The following ZNF148 variants were observed in gnomAD, a reference collection of about 807,000 sequenced individuals.
ZNF148 encodes zinc finger protein 148, also known as Beta-Enolase Repressor Factor-1.
Under a neutral mutation model 67.7 loss-of-function variants are expected in ZNF148, and 7 were observed. The observed-to-expected ratio is 0.10, with a 90% CI of 0.06 to 0.19. The LOEUF is 0.19. Ranked by LOEUF, ZNF148 falls within the 10% of genes least tolerant of loss-of-function variation. ZNF148 has a pLI of 1.00. For synonymous variants in ZNF148, 333 were observed against 330.7 expected, an observed-to-expected ratio of 1.01 and a Z score of -0.08; for missense variants, 583 against 947.1, an observed-to-expected ratio of 0.62 and a Z score of 5.05.
chr3:125,280,248 CAA>C (rs1207378168), intron 5 of ZNF148, among the ~76,000 whole-genome samples: 1 of 152,028 alleles, frequency 6.6e-6, no homozygotes, highest in Non-Finnish European at 1.5e-5. Flanking sequence ...AGAAGGAAGA[CAA>C]GAGACAAAGC....
chr3:125,373,337 C>T lies in ZNF148; in HGVS notation c.-234+1765G>A, dbSNP rs1424455957. Among the ~76,000 whole-genome samples, 5 of 151,566 alleles carry T rather than the reference C, an allele frequency of 3.3e-5. No homozygotes were observed. The East Asian group carries it at 1.0e-3, about 30-fold the overall frequency. ...AACTCCTGACCTCAGGTGATCCGCT[C>T]GCCTCGGCCTCCCAAAGTGCTGGGA... On this transcript the variant is annotated intron_variant, in intron 1 of 8. Transcript: ENST00000360647.
intron 7 of ZNF148, among the ~76,000 whole-genome samples, chr3:125,275,730 G>A (rs1451100663): frequency 6.6e-6 from 1 of 152,148 alleles, no homozygotes; most frequent in Non-Finnish European, 1.5e-5. Context: ...CCATGGTCTA[G>A]TGCAGTTGAT....
intron 7 of ZNF148, among the ~76,000 whole-genome samples, chr3:125,241,620 T>C (rs898074590): frequency 5.9e-5 from 9 of 152,202 alleles, no homozygotes; most frequent in Admixed American, 2.6e-4. Flanking sequence ...ACAGCGGATG[T>C]TATTTATTTT....
intron 3 of ZNF148, among the ~76,000 whole-genome samples, chr3:125,321,411 A>G (rs1337291764): frequency 2.9e-5 from 4 of 135,902 alleles, no homozygotes; most frequent in Non-Finnish European, 3.3e-5. Context: ...TTTAAAAAAA[A>G]CTCTATTTTT....
At chr3:125,258,547 G>A (rs1398586690) in intron 7 of ZNF148, among the ~76,000 whole-genome samples, 1 of 151,798 alleles carries the variant, frequency 6.6e-6, no homozygotes, top group Non-Finnish European at 1.5e-5. Context: ...GTCTACAGGT[G>A]TGCACCACTG....
chr3:125,364,141 G>A (rs1942630770), intron 1 of ZNF148, among the ~76,000 whole-genome samples: 1 of 152,206 alleles, frequency 6.6e-6, no homozygotes, highest in Non-Finnish European at 1.5e-5. Context: ...GCTCATGCCT[G>A]TAATCCCAGC....
intron 1 of ZNF148, among the ~76,000 whole-genome samples, chr3:125,351,814 C>G (rs1559776605): frequency 6.6e-6 from 1 of 152,094 alleles, no homozygotes; most frequent in Non-Finnish European, 1.5e-5. Context: ...CAGCATTAGC[C>G]AACAGAGACA....
rs1299591282 is a variant in ZNF148 at position 125,280,758 on chromosome 3, C to CAA, written c.460-1513_460-1512dup. ...ATTCCTTTTTCATTATTGACGAAAG[C>CAA]AAAAAAAAAAAAAAAAAGGCACAAC... On this transcript the variant is annotated intron_variant, in intron 5 of 8. Transcript: ENST00000360647. Among the ~76,000 whole-genome samples the CAA allele has an allele frequency of 6.6e-3, 616 of 93,436 alleles. 16 individuals are homozygous for CAA. The East Asian group carries it at 0.075, about 11-fold the overall frequency. The allele number at this position is 93,436 out of a possible 152,430, so 61.3% of individuals were successfully genotyped here. A position where few individuals can be genotyped will look rare whatever the true frequency, so the allele number is the denominator to read the frequency against.
chr3:125,370,977 TACC>T (rs1221053940), intron 1 of ZNF148, among the ~76,000 whole-genome samples: 3 of 152,124 alleles, frequency 2.0e-5, no homozygotes, highest in East Asian at 3.8e-4. Context: ...ATCCTCCTCT[TACC>T]ACATTTCCCA....
At chr3:125,371,144 A>C (rs1942865667) in intron 1 of ZNF148, among the ~76,000 whole-genome samples, 1 of 151,654 alleles carries the variant, frequency 6.6e-6, no homozygotes. Flanking sequence ...CTTGAGCCCA[A>C]GAGTGCAAGA....
At chr3:125,256,631 G>C (rs535696726) in intron 7 of ZNF148, among the ~76,000 whole-genome samples, 1 of 152,236 alleles carries the variant, frequency 6.6e-6, no homozygotes, top group East Asian at 1.9e-4. Context: ...AGCCGAGATC[G>C]TGCCACTACA....
chr3:125,359,752 G>A (rs920239642), intron 1 of ZNF148, among the ~76,000 whole-genome samples: 7 of 152,224 alleles, frequency 4.6e-5, no homozygotes, highest in African/African-American at 1.7e-4. Flanking sequence ...GGGTGGCATA[G>A]ACTGTTCTTA....
intron 1 of ZNF148, among the ~76,000 whole-genome samples, chr3:125,348,823 A>C (rs1298932526): frequency 6.6e-6 from 1 of 152,202 alleles, no homozygotes; most frequent in African/African-American, 2.4e-5. Flanking sequence ...AACAAAGCTA[A>C]AGGCCTCACA....
At chr3:125,324,940 G>GTTCTT (rs1940955736) in intron 2 of ZNF148, among the ~76,000 whole-genome samples, 1 of 151,974 alleles carries the variant, frequency 6.6e-6, no homozygotes, top group Non-Finnish European at 1.5e-5. Context: ...TTTGTGCAAA[G>GTTCTT]TAAAATTTAT....
intron 7 of ZNF148, among the ~76,000 whole-genome samples, chr3:125,269,762 T>C (rs1937635068): frequency 6.6e-6 from 1 of 152,164 alleles, no homozygotes; most frequent in Non-Finnish European, 1.5e-5. Context: ...CACCATGGAA[T>C]ACTACACAGC....
intron 7 of ZNF148, among the ~76,000 whole-genome samples, chr3:125,239,987 T>C (rs1423703495): frequency 2.0e-5 from 3 of 152,096 alleles, no homozygotes; most frequent in African/African-American, 2.4e-5. Context: ...GTGACAAAAA[T>C]ATTCTAAACA....
intron 1 of ZNF148, among the ~76,000 whole-genome samples, chr3:125,374,666 A>G (rs1579935288): frequency 6.6e-6 from 1 of 151,364 alleles, no homozygotes; most frequent in African/African-American, 2.4e-5. Flanking sequence ...CAAAGAGCAC[A>G]CTCCGGCAGC....
rs200643048 is a variant in ZNF148, at chr3:125,330,465, CAAAAAAAAAA to C, written c.-153+683_-153+692del. ...TGGGCAACAGGGCAAAACCCTATCTCAAAAAAAAAAAAAAAAAAAAAAAAATTCTCAAAAA... is the reference window on the plus strand; with the variant it reads ...TGGGCAACAGGGCAAAACCCTATCTCAAAAAAAAAAAAAAATTCTCAAAAA... On this transcript the variant is annotated intron_variant, in intron 2 of 8. Coordinates refer to ENST00000360647, the MANE Select transcript of ZNF148 (RefSeq NM_021964.3). 8.4e-4 allele frequency among the ~76,000 whole-genome samples: 99 copies of C among 118,448 alleles called. 1 individual carries two copies. The highest frequency in any genetic ancestry group is 6.1e-3 in the East Asian group (24 of 3,956). The allele number at this position is 118,448 out of a possible 152,430, so 77.7% of individuals were successfully genotyped here. A position where few individuals can be genotyped will look rare whatever the true frequency, so the allele number is the denominator to read the frequency against.
At chr3:125,295,519 C>G (rs1433411391) in intron 4 of ZNF148, among the ~76,000 whole-genome samples, 1 of 151,436 alleles carries the variant, frequency 6.6e-6, no homozygotes, top group Admixed American at 6.6e-5. Context: ...GATTTCAATA[C>G]TATCTCTTCC....
Sources: allele counts gnomAD v4.1 joint callset (sites outside exome capture counted in the v4.1 genomes callset), GRCh38; gene constraint gnomAD v4.1.1; transcripts MANE v1.5; gene names NCBI Gene and HGNC (gene_info 2026-07-23, HGNC 2026-07-21).